The following GIPC2 variants were observed in gnomAD, a reference collection of about 807,000 sequenced individuals.
GIPC2 encodes the protein PDZ domain-containing protein GIPC2.
A neutral mutation model predicts 30.6 loss-of-function variants in GIPC2; 30 were observed. The observed-to-expected ratio is 0.98, with a 90% CI of 0.73 to 1.33. The LOEUF (loss-of-function observed/expected upper bound fraction) is 1.33, where lower values mean the gene tolerates loss of function less well. Among genes scored for constraint, GIPC2 ranks in the 40% most tolerant of loss-of-function variants. The pLI, the probability that GIPC2 is intolerant of heterozygous loss-of-function variation, is 0.00. For synonymous variants in GIPC2, 167 were observed against 150.0 expected, an observed-to-expected ratio of 1.11 and a Z score of -0.83; for missense variants, 414 against 390.3, an observed-to-expected ratio of 1.06 and a Z score of -0.51.
intron 1 of GIPC2, among the ~76,000 whole-genome samples, chr1:78,054,239 A>G (rs1430711087): frequency 6.6e-6 from 1 of 152,236 alleles, no homozygotes. Flanking sequence ...GCATTTGCAC[A>G]TAAGATTGAA....
At chr1:78,135,411 C>CACCTTGATG (rs1662981705) in intron 5 of GIPC2, among the ~76,000 whole-genome samples, 181 bp from the exon 6 acceptor site, 1 of 152,054 alleles carries the variant, frequency 6.6e-6, no homozygotes, top group South Asian at 2.1e-4. Context: ...GTATCTTTGC[C>CACCTTGATG]ACCTTGATGT....
At chr1:78,103,118 C>T (rs1252870864) in intron 3 of GIPC2, among the ~76,000 whole-genome samples, 3 of 152,236 alleles carry the variant, frequency 2.0e-5, no homozygotes, top group Non-Finnish European at 2.9e-5. Flanking sequence ...CTAAACCAAG[C>T]AGTCAGCCTC....
At position 78,046,109 on chromosome 1, in the gene GIPC2, G is replaced by C; in HGVS notation, c.15G>C (p.Leu5=). 1 of 1,477,666 alleles carries C rather than the reference G, an allele frequency of 6.8e-7. No homozygotes were observed. Among genetic ancestry groups the C allele is most frequent in the Non-Finnish European group, 8.9e-7 (1 of 1,118,638 alleles). The allele number at this position is 1,477,666 out of a possible 1,614,324, so 91.5% of individuals were successfully genotyped here. A position where few individuals can be genotyped will look rare whatever the true frequency, so the allele number is the denominator to read the frequency against. The part of the protein sequence containing the change: MPLK[L]RGKKKAKSKE... Reference sequence around the variant, plus strand: ...GGCCCTGCAAGATGCCCCTGAAGCTGCGGGGGAAGAAGAAGGCCAAGTCCA... The same window carrying C: ...GGCCCTGCAAGATGCCCCTGAAGCTCCGGGGGAAGAAGAAGGCCAAGTCCA... Residue 5 remains leucine (L), a synonymous_variant, in exon 1 of 6, where the codon CTG becomes CTC. Coordinates refer to ENST00000370759, the MANE Select transcript of GIPC2 (RefSeq NM_017655.6).
chr1:78,135,552 AT>A, intron 5 of GIPC2, 39 bp from the exon 6 acceptor site: 1 of 1,221,870 alleles, frequency 8.2e-7, no homozygotes, highest in Non-Finnish European at 1.2e-6. Flanking sequence ...CTTTGATGCT[AT>A]TTCATTTATT....
chr1:78,096,127 A>C (rs1662133080), intron 3 of GIPC2, among the ~76,000 whole-genome samples: 1 of 152,176 alleles, frequency 6.6e-6, no homozygotes. Context: ...AGTTTTCCAG[A>C]AGGTGTAAGA....
Position 78,114,827 on chromosome 1 carries a change from C to A in GIPC2, c.608-4566C>A, listed in dbSNP as rs1202624095. Among the ~76,000 whole-genome samples, 9 of 152,204 alleles carry A rather than the reference C, an allele frequency of 5.9e-5. No individual in the cohort carries two copies. In the South Asian group the frequency reaches 1.9e-3, roughly 32 times the overall value. On this transcript the variant is annotated intron_variant, in intron 3 of 5. Transcript: ENST00000370759. Reference sequence around the variant, plus strand: ...TGATTATGATGTGTCAATGTAGGTTCATCAGTTGTAGCAAAAGTCTTACTC... The same window carrying A: ...TGATTATGATGTGTCAATGTAGGTTAATCAGTTGTAGCAAAAGTCTTACTC...
chr1:78,134,242 G>C (rs1036963890), intron 5 of GIPC2, among the ~76,000 whole-genome samples: 1 of 151,698 alleles, frequency 6.6e-6, no homozygotes, highest in African/African-American at 2.4e-5. Context: ...AATTCCATAG[G>C]GTTCATTCTT....
At chr1:78,091,747 T>G (rs1173779922) in intron 2 of GIPC2, 15 of 776,008 alleles carry the variant, frequency 1.9e-5, no homozygotes, top group Non-Finnish European at 3.4e-5. Flanking sequence ...TTAAATTTGT[T>G]CTCAAGCACA....
Position 78,046,298 on chromosome 1 carries a change from C to T in GIPC2, c.204C>T (p.Ala68=). ...EGFSSIQELY[A]QIAGAFEISP... is the part of the protein sequence containing the mutation. ...TCTCCAGCATCCAGGAGCTCTACGCCCAGATCGCGGGCGCGTTTGAAATCT... is the reference window on the plus strand; with the variant it reads ...TCTCCAGCATCCAGGAGCTCTACGCTCAGATCGCGGGCGCGTTTGAAATCT... Residue 68 remains alanine (A), a synonymous_variant, in exon 1 of 6, where the codon GCC becomes GCT. Coordinates refer to ENST00000370759, the MANE Select transcript of GIPC2 (RefSeq NM_017655.6). The T allele has an allele frequency of 6.2e-7, 1 of 1,611,746 alleles. No individual in the cohort carries two copies. Among genetic ancestry groups the T allele is most frequent in the Non-Finnish European group, 8.5e-7 (1 of 1,179,540 alleles).
intron 1 of GIPC2, among the ~76,000 whole-genome samples, chr1:78,066,338 C>T (rs745649443): frequency 1.3e-5 from 2 of 152,040 alleles, no homozygotes; most frequent in Admixed American, 6.6e-5. Context: ...AGTGATATAC[C>T]GTCTCATACA....
intron 2 of GIPC2, among the ~76,000 whole-genome samples, chr1:78,085,367 G>A (rs1661908125): frequency 6.6e-6 from 1 of 152,104 alleles, no homozygotes; most frequent in South Asian, 2.1e-4. Flanking sequence ...TCAGTGTTCA[G>A]CAAGGATATT....
At chr1:78,092,976 G>C (rs757214964) in intron 2 of GIPC2, among the ~76,000 whole-genome samples, 7 of 152,122 alleles carry the variant, frequency 4.6e-5, no homozygotes, top group Non-Finnish European at 1.5e-5. Flanking sequence ...GTGAGATTCA[G>C]GTGTGTCTTC....
chr1:78,122,221 A>G (rs1662695527), intron 4 of GIPC2, among the ~76,000 whole-genome samples: 1 of 152,246 alleles, frequency 6.6e-6, no homozygotes, highest in Non-Finnish European at 1.5e-5. Context: ...TAATGAAAGG[A>G]AAAAGCTGTT....
chr1:78,112,612 C>A (rs867605555), intron 3 of GIPC2: 4 of 508,672 alleles, frequency 7.9e-6, no homozygotes, highest in South Asian at 5.6e-5. Context: ...AGCCTCCCCA[C>A]TGCTTGGTCC....
intron 5 of GIPC2, among the ~76,000 whole-genome samples, chr1:78,131,318 C>T (rs1436064743): frequency 6.6e-6 from 1 of 152,050 alleles, no homozygotes; most frequent in Non-Finnish European, 1.5e-5. Context: ...ACGCCGTTCT[C>T]CTGCCTCAGC....
intron 1 of GIPC2, among the ~76,000 whole-genome samples, chr1:78,049,894 T>TTC (rs1661163876): frequency 9.4e-5 from 1 of 10,590 alleles, no homozygotes; most frequent in Non-Finnish European, 1.1e-3. Flanking sequence ...GAAAAACCTC[T>TTC]TTTTTTTTTT....
chr1:78,120,636 A>G (rs1037186293), intron 4 of GIPC2, among the ~76,000 whole-genome samples: 1 of 152,200 alleles, frequency 6.6e-6, no homozygotes, highest in African/African-American at 2.4e-5. Context: ...GAGGCCTCAC[A>G]ATCATGGTGG....
chr1:78,134,907 A>G (rs1278145868), intron 5 of GIPC2, among the ~76,000 whole-genome samples: 2 of 152,160 alleles, frequency 1.3e-5, no homozygotes, highest in African/African-American at 4.8e-5. Flanking sequence ...GCTCCCAGAC[A>G]GCTGGGGCAA....
chr1:78,046,403 G>T, intron 1 of GIPC2, 69 bp downstream of exon 1: 1 of 1,403,858 alleles, frequency 7.1e-7, no homozygotes, highest in Non-Finnish European at 9.8e-7. Context: ...GTATTTCTGT[G>T]GGCCCAGGAG....
Sources: gnomAD v4.1 joint callset for allele counts (sites outside exome capture counted in the v4.1 genomes callset) on GRCh38, gnomAD v4.1.1 for gene constraint, MANE v1.5 for transcripts, NCBI Gene and HGNC (gene_info 2026-07-23, HGNC 2026-07-21) for gene names.